The following SHISA9 variants were observed in gnomAD, a reference collection of about 807,000 sequenced individuals.
The protein encoded by SHISA9 is protein shisa-9.
SHISA9 carries 13 observed loss-of-function variants against 38.0 expected under a neutral mutation model. The ratio of observed to expected loss-of-function variants is 0.34; its 90% CI spans 0.22 to 0.54. The LOEUF (loss-of-function observed/expected upper bound fraction) is 0.54, where lower values mean the gene tolerates loss of function less well. Among genes scored for constraint, SHISA9 ranks in the 20% least tolerant of loss-of-function variants. The probability of loss-of-function intolerance (pLI) is 0.91; values close to 1 mark genes in which losing one functional copy is unlikely to be tolerated. For synonymous variants in SHISA9, 275 were observed against 242.0 expected (o/e 1.14, Z -1.27); for missense variants, 538 against 575.8 (o/e 0.93, Z 0.67).
At chr16:13,176,436 C>A (rs2050732230) in intron 2 of SHISA9, among the ~76,000 whole-genome samples, 1 of 152,218 alleles carries the variant, frequency 6.6e-6, no homozygotes, top group East Asian at 1.9e-4. Flanking sequence ...AAAGTCTTTC[C>A]AGGTCTCACA....
chr16:13,102,077 C>T (rs1014896207), intron 2 of SHISA9, among the ~76,000 whole-genome samples: 9 of 152,076 alleles, frequency 5.9e-5, no homozygotes, highest in East Asian at 3.9e-4. Context: ...TTACATTCCC[C>T]GACTGTCCCC....
chr16:12,940,627 A>C (rs2071598038), intron 2 of SHISA9, among the ~76,000 whole-genome samples: 1 of 152,204 alleles, frequency 6.6e-6, no homozygotes, highest in African/African-American at 2.4e-5. Context: ...CCATTGCTCC[A>C]TATGCAAGAT....
chr16:13,214,722 C>T (rs2051151151), intron 4 of SHISA9, among the ~76,000 whole-genome samples: 1 of 152,160 alleles, frequency 6.6e-6, no homozygotes, highest in Non-Finnish European at 1.5e-5. Flanking sequence ...CAAGTCACAT[C>T]TTATGTGGAT....
At position 13,179,280 on chromosome 16, in the gene SHISA9, C is replaced by G. The variant is rs149782367; in HGVS notation, c.692-24114C>G. Among the ~76,000 whole-genome samples the G allele has an allele frequency of 8.4e-3, 1,272 of 152,236 alleles. 11 individuals carry two copies. Among genetic ancestry groups the G allele is most frequent in the Middle Eastern group, 0.037 (11 of 294 alleles). On this transcript the variant is annotated intron_variant, in intron 2 of 4. Coordinates refer to ENST00000558583, the MANE Select transcript of SHISA9 (RefSeq NM_001145204.3). ...TGAGCTGAGATCACACCACTGCACC[C>G]CAGCCCAGGTGACAGAGCAAGACTC...
chr16:13,525,202 C>G, the SHISA9 span, among the ~76,000 whole-genome samples: 1 of 152,110 alleles, frequency 6.6e-6, no homozygotes. Context: ...TGGGAACCAC[C>G]CTTTGAGAAC....
chr16:13,562,072 T>G, the SHISA9 span, among the ~76,000 whole-genome samples: 2 of 152,176 alleles, frequency 1.3e-5, no homozygotes, highest in Non-Finnish European at 2.9e-5. Context: ...GAGGGGAAGA[T>G]GGTTGTCCTC....
rs940063817 is a variant in SHISA9, at chr16:13,104,325, C to T, written c.692-99069C>T. On this transcript the variant is annotated intron_variant, in intron 2 of 4. Coordinates refer to ENST00000558583, the MANE Select transcript of SHISA9 (RefSeq NM_001145204.3). ...AAATGTTAAATATAAACTTACTATA[C>T]GACCCAGCGATTTCCCTCCTAGGCA... Among the ~76,000 whole-genome samples the T allele has an allele frequency of 2.0e-4, 30 of 152,086 alleles. 1 individual carries two copies. The highest frequency in any genetic ancestry group is 4.1e-4 in the South Asian group (2 of 4,824).
intron 2 of SHISA9, among the ~76,000 whole-genome samples, chr16:12,967,621 G>C (rs2071996961): frequency 6.6e-6 from 1 of 151,356 alleles, no homozygotes; most frequent in South Asian, 2.1e-4. Context: ...CCAGTGTTAT[G>C]GACATCCAAG....
intron 2 of SHISA9, among the ~76,000 whole-genome samples, chr16:13,074,966 T>A (rs1333010434): frequency 7.9e-5 from 12 of 152,248 alleles, no homozygotes; most frequent in Non-Finnish European, 1.2e-4. Flanking sequence ...GCCTGGCCAT[T>A]ACTATTATTT....
At chr16:12,909,696 C>T (rs1238873539) in intron 1 of SHISA9, 6 of 655,730 alleles carry the variant, frequency 9.2e-6, no homozygotes, top group Non-Finnish European at 1.1e-5. Flanking sequence ...TTGCTTCCCA[C>T]CCCAGCCTGA....
the SHISA9 span, among the ~76,000 whole-genome samples, chr16:13,402,512 CTT>C: frequency 1.3e-4 from 16 of 125,264 alleles, no homozygotes; most frequent in Admixed American, 1.6e-4. Context: ...AGAGGGTGGT[CTT>C]TTTTTTTTTT....
chr16:13,455,834 G>C, the SHISA9 span, among the ~76,000 whole-genome samples: 1 of 152,134 alleles, frequency 6.6e-6, no homozygotes, highest in African/African-American at 2.4e-5. Flanking sequence ...GAAATGAAGG[G>C]AAGTTGATAT....
intron 2 of SHISA9, among the ~76,000 whole-genome samples, chr16:13,143,366 G>A (rs908800031): frequency 1.3e-5 from 2 of 151,972 alleles, no homozygotes; most frequent in African/African-American, 2.4e-5. Flanking sequence ...CTAACACCAC[G>A]GTGTACCAAG....
the SHISA9 span, among the ~76,000 whole-genome samples, chr16:13,246,865 A>G: frequency 6.6e-6 from 1 of 152,030 alleles, no homozygotes; most frequent in Non-Finnish European, 1.5e-5. Flanking sequence ...AAAAACAATA[A>G]ATGTTATCCG....
At chr16:13,253,334 T>A in the SHISA9 span, among the ~76,000 whole-genome samples, 1 of 152,166 alleles carries the variant, frequency 6.6e-6, no homozygotes, top group Non-Finnish European at 1.5e-5. Context: ...TCTCTTCTAC[T>A]ATCATGTCAA....
At chr16:12,969,020 G>C (rs2072018581) in intron 2 of SHISA9, among the ~76,000 whole-genome samples, 1 of 151,964 alleles carries the variant, frequency 6.6e-6, no homozygotes, top group Non-Finnish European at 1.5e-5. Flanking sequence ...AGCTGAACGT[G>C]GTGGTGCGCA....
intron 2 of SHISA9, among the ~76,000 whole-genome samples, chr16:12,927,578 T>A (rs1567342027): frequency 6.6e-6 from 1 of 151,970 alleles, no homozygotes; most frequent in Admixed American, 6.6e-5. Flanking sequence ...TTTTTGATTT[T>A]TTTTTTTTTT....
chr16:13,467,206 T>A, the SHISA9 span, among the ~76,000 whole-genome samples: 1 of 152,080 alleles, frequency 6.6e-6, no homozygotes, highest in African/African-American at 2.4e-5. Flanking sequence ...ATCAGTGCAC[T>A]GAGAGAGGAA....
chr16:13,471,221 A>C, the SHISA9 span, among the ~76,000 whole-genome samples: 1 of 152,164 alleles, frequency 6.6e-6, no homozygotes, highest in Admixed American at 6.6e-5. Flanking sequence ...TGGGGCTGAC[A>C]GTGCAGCATG....
Sources: gnomAD v4.1 joint callset for allele counts (sites outside exome capture counted in the v4.1 genomes callset) on GRCh38, gnomAD v4.1.1 for gene constraint, MANE v1.5 for transcripts, NCBI Gene and HGNC (gene_info 2026-07-23, HGNC 2026-07-21) for gene names.